Variants in IL17RD observed in about 807,000 individuals in gnomAD.
The protein encoded by IL17RD is interleukin 17 receptor D.
Under a neutral mutation model 80.5 loss-of-function variants are expected in IL17RD, and 52 were observed. That is an observed-to-expected ratio of 0.65 (90% CI 0.52 to 0.81). The LOEUF (loss-of-function observed/expected upper bound fraction) is 0.81, where lower values mean the gene tolerates loss of function less well. Among genes scored for constraint, IL17RD ranks in the 40% least tolerant of loss-of-function variants. The pLI is 0.00. For synonymous variants in IL17RD, 416 were observed against 391.8 expected (o/e 1.06, Z -0.73); for missense variants, 1,024 against 955.1 (o/e 1.07, Z -0.95).
Position 57,159,158 on chromosome 3 carries a change from T to C in IL17RD, c.126+6003A>G, listed in dbSNP as rs1463509037. 2.6e-5 allele frequency among the ~76,000 whole-genome samples: 4 copies of C among 151,988 alleles called. No homozygotes were observed. In the South Asian group the frequency reaches 6.2e-4, roughly 24 times the overall value. On this transcript the variant is annotated intron_variant, in intron 1 of 12. Coordinates refer to ENST00000296318, the MANE Select transcript of IL17RD (RefSeq NM_017563.5). ...TTTTTTAAAGACACATTTACATTTATGCACTCAGGACTTCAAGTGTGAATT... is the reference window on the plus strand; with the variant it reads ...TTTTTTAAAGACACATTTACATTTACGCACTCAGGACTTCAAGTGTGAATT...
At chr3:57,112,525 T>C (rs1364584985) in intron 3 of IL17RD, among the ~76,000 whole-genome samples, 7 of 152,154 alleles carry the variant, frequency 4.6e-5, no homozygotes, top group Non-Finnish European at 7.4e-5. Context: ...GATGTTCAGT[T>C]TTCCTGTCAC....
intron 1 of IL17RD, among the ~76,000 whole-genome samples, chr3:57,136,631 A>AC: frequency 1.4e-5 from 1 of 72,814 alleles, no homozygotes; most frequent in East Asian, 4.1e-4. Context: ...CCCCGCCCCC[A>AC]ACCCCCACTC....
At chr3:57,163,653 T>C (rs1182121428) in intron 1 of IL17RD, among the ~76,000 whole-genome samples, 1 of 151,972 alleles carries the variant, frequency 6.6e-6, no homozygotes, top group Non-Finnish European at 1.5e-5. Context: ...AGATCCTCCT[T>C]GAGGAAACTT....
At chr3:57,097,540 C>T (rs1450007810) in intron 12 of IL17RD, 56 bp downstream of exon 12, 1 of 1,381,662 alleles carries the variant, frequency 7.2e-7, no homozygotes, top group African/African-American at 1.4e-5. Context: ...TGACTGATTT[C>T]AGAAGCATGG....
intron 5 of IL17RD, among the ~76,000 whole-genome samples, chr3:57,108,069 T>A (rs923340527): frequency 1.7e-4 from 26 of 152,158 alleles, no homozygotes; most frequent in Middle Eastern, 3.4e-3. Context: ...TTTTTTTTTT[T>A]TTCTTTTTGA....
intron 1 of IL17RD, among the ~76,000 whole-genome samples, chr3:57,137,343 C>A (rs563630585): frequency 2.0e-5 from 3 of 152,308 alleles, no homozygotes; most frequent in Non-Finnish European, 2.9e-5. Flanking sequence ...TGGAGACAGG[C>A]AAGATCCAAA....
intron 9 of IL17RD, among the ~76,000 whole-genome samples, 199 bp downstream of exon 9, chr3:57,102,892 C>T (rs191264137): frequency 6.6e-6 from 1 of 151,946 alleles, no homozygotes; most frequent in Non-Finnish European, 1.5e-5. Flanking sequence ...TTATCTAGTC[C>T]GAGCTACACA....
At chr3:57,118,590 T>C (rs1707267057) in intron 2 of IL17RD, among the ~76,000 whole-genome samples, 1 of 152,160 alleles carries the variant, frequency 6.6e-6, no homozygotes. Context: ...TCTATACAAC[T>C]ACCTTCTTAT....
intron 1 of IL17RD, among the ~76,000 whole-genome samples, chr3:57,146,658 G>A (rs1579311449): frequency 1.3e-5 from 2 of 150,248 alleles, no homozygotes. Flanking sequence ...GCTGAAGCAG[G>A]AGAATCGCTT....
intron 1 of IL17RD, chr3:57,142,571 C>A: frequency 8.5e-7 from 1 of 1,181,228 alleles, no homozygotes; most frequent in Non-Finnish European, 1.1e-6. Context: ...GAGATAGGGC[C>A]TGGCTGACCG....
intron 2 of IL17RD, among the ~76,000 whole-genome samples, chr3:57,116,282 C>CTT (rs66563028): frequency 8.8e-5 from 9 of 102,572 alleles, no homozygotes; most frequent in African/African-American, 2.9e-4. Flanking sequence ...TTTTTCTTTT[C>CTT]TTTTTTTTTT....
rs1488404199 is a variant in IL17RD, at chr3:57,093,402, G to C, written c.*2991C>G. ...GAGAGTTTTCTTTCTTTTGGGAGAA[G>C]GGTGTGTCATTTTTCCTCAAGGAAT... is the stretch of plus-strand genomic sequence containing the variant. On this transcript the variant is annotated 3_prime_UTR_variant, in exon 13 of 13. Coordinates refer to ENST00000296318, the MANE Select transcript of IL17RD (RefSeq NM_017563.5). 6.6e-6 allele frequency: 1 copy of C among 152,140 alleles called. No individual in the cohort carries two copies. Among genetic ancestry groups the C allele is most frequent in the Non-Finnish European group, 1.5e-5 (1 of 68,028 alleles). 9.4% of individuals were successfully genotyped at this position (152,140 alleles called of 1,614,324 possible).
intron 3 of IL17RD, among the ~76,000 whole-genome samples, chr3:57,111,053 A>G (rs1480510463): frequency 6.6e-6 from 1 of 152,220 alleles, no homozygotes; most frequent in African/African-American, 2.4e-5. Context: ...TCTGACGGTC[A>G]CAAGCGCCAG....
At chr3:57,132,721 C>T (rs1047050704) in intron 1 of IL17RD, among the ~76,000 whole-genome samples, 3 of 152,326 alleles carry the variant, frequency 2.0e-5, no homozygotes, top group East Asian at 3.9e-4. Flanking sequence ...TATCTAGCAC[C>T]TTTCGGATCA....
intron 1 of IL17RD, among the ~76,000 whole-genome samples, chr3:57,140,987 G>A (rs113589551): frequency 1.2e-4 from 18 of 151,942 alleles, no homozygotes; most frequent in African/African-American, 4.3e-4. Context: ...TCCAACTCCT[G>A]GGCTCAAACG....
chr3:57,097,825 G>A lies in IL17RD; in HGVS notation c.1878C>T (p.Gly626=). 6.2e-7 allele frequency: 1 copy of A among 1,610,670 alleles called. No homozygotes were observed. Among genetic ancestry groups the A allele is most frequent in the South Asian group, 1.1e-5 (1 of 90,468 alleles). ...GCCGGGCCTCCCCGTCTTGGTCCAG[G>A]CCCCCATGCTGACTCTCGTGCTGGG... ...ADSQHESQHG[G]LDQDGEARPA... Residue 626 remains glycine (G), a synonymous_variant, in exon 12 of 13, where the codon GGC becomes GGT. Transcript: ENST00000296318.
intron 3 of IL17RD, 148 bp downstream of exon 3, chr3:57,114,544 T>C (rs1707168364): frequency 3.1e-6 from 2 of 636,890 alleles, no homozygotes; most frequent in Non-Finnish European, 5.0e-6. Context: ...CCAGCAAATA[T>C]ATGCAACAAA....
Position 57,098,470 on chromosome 3 carries a change from C to CAGA in IL17RD, c.1232_1233insTCT (p.Lys411delinsAsnLeu), listed in dbSNP as rs1320577884. 12 of 1,613,766 alleles carry CAGA rather than the reference C, an allele frequency of 7.4e-6. No homozygotes were observed. The Admixed American group carries it at 1.0e-4, about 13-fold the overall frequency. On this transcript the variant is annotated protein_altering_variant, in exon 12 of 13. Coordinates refer to ENST00000296318, the MANE Select transcript of IL17RD (RefSeq NM_017563.5). ...CAATGATGAACTGGGACTCGTGGAT[C>CAGA]TTCTGGATGACCCATTCTCTCTGCC... is the stretch of plus-strand genomic sequence containing the variant.
chr3:57,154,283 T>TACACATACACACACAC (rs1553628628), intron 1 of IL17RD, among the ~76,000 whole-genome samples: 1 of 112,908 alleles, frequency 8.9e-6, no homozygotes, highest in African/African-American at 3.2e-5. Context: ...TATATATATA[T>TACACATACACACACAC]ACACACACAC....
Sources: allele counts gnomAD v4.1 joint callset (sites outside exome capture counted in the v4.1 genomes callset), GRCh38; gene constraint gnomAD v4.1.1; transcripts MANE v1.5; gene names NCBI Gene and HGNC (gene_info 2026-07-23, HGNC 2026-07-21).